ZYX: variants seen among roughly 807,000 people sequenced by gnomAD.
The protein encoded by ZYX is zyxin-2.
A neutral mutation model predicts 58.1 loss-of-function variants in ZYX; 37 were observed. That is an observed-to-expected ratio of 0.64 (90% CI 0.49 to 0.84). ZYX has a LOEUF of 0.84. Ranked by LOEUF, ZYX falls within the 40% of genes least tolerant of loss-of-function variation. ZYX has a pLI of 0.00. For missense variants in ZYX, 762 were observed against 761.6 expected, an observed-to-expected ratio of 1.00 and a Z score of -0.01; for synonymous variants, 324 against 321.1, an observed-to-expected ratio of 1.01 and a Z score of -0.10.
rs1804725153 is a variant in ZYX at position 143,383,322 on chromosome 7, G to C, written c.1023G>C (p.Gln341His). ...PVPPPAQNQN[Q>H]VRSPGAPGPL... ...CCCCACCGGCTCAGAACCAAAACCA[G>C]GTGAGGGATGGTGATAGGACAAGGC... The change falls in exon 5 of 10, where the codon CAG becomes CAC. Residue 341 changes from glutamine to histidine, a missense_variant and splice_region_variant. Physicochemically the swap from Gln to His is conservative, Grantham distance 24. Transcript: ENST00000322764. 1.3e-6 allele frequency: 2 copies of C among 1,593,300 alleles called. No homozygotes were observed. Among genetic ancestry groups the C allele is most frequent in the Non-Finnish European group, 1.7e-6 (2 of 1,171,162 alleles).
chr7:143,382,114 C>T (rs1479339389), intron 2 of ZYX, 134 bp from the exon 3 acceptor site: 1 of 766,164 alleles, frequency 1.3e-6, no homozygotes, highest in East Asian at 2.8e-5. Flanking sequence ...CGCCCTGCGC[C>T]CCTCCTTTGC....
Position 143,390,598 on chromosome 7 carries a change from G to A in ZYX, c.1635G>A (p.Ser545=), listed in dbSNP as rs112599769. The A allele has an allele frequency of 1.3e-4, 208 of 1,575,468 alleles. 1 individual carries two copies. The highest frequency in any genetic ancestry group is 2.3e-4 in the African/African-American group (17 of 74,514). ...YKCEDCGKPL[S]IEADDNGCFP... ...CCCAGGACTGCGGGAAGCCCCTGTCGATTGAGGCAGATGACAATGGCTGCT... is the reference window on the plus strand; with the variant it reads ...CCCAGGACTGCGGGAAGCCCCTGTCAATTGAGGCAGATGACAATGGCTGCT... The change falls in exon 10 of 10, where the codon TCG becomes TCA. Residue 545 remains serine (S), a synonymous_variant. Coordinates refer to ENST00000322764, the MANE Select transcript of ZYX (RefSeq NM_003461.5). The surrounding 1 kb of genome is among the most constrained non-coding windows in gnomAD (Gnocchi z 4.3).
At chr7:143,386,930 T>G (rs113730499) in intron 5 of ZYX, among the ~76,000 whole-genome samples, 1 of 152,060 alleles carries the variant, frequency 6.6e-6, no homozygotes, top group Non-Finnish European at 1.5e-5. Context: ...TCCTGATGAA[T>G]GGGGATACCC....
Position 143,390,772 on chromosome 7 carries a change from T to A in ZYX, c.*90T>A, listed in dbSNP as rs1805041975. ...CCTGCCCCCACCTCAGTTATTGTTT[T>A]GATGTCTAGCCCCTCCCATTTCCAA... On this transcript the variant is annotated 3_prime_UTR_variant, in exon 10 of 10. Coordinates refer to ENST00000322764, the MANE Select transcript of ZYX (RefSeq NM_003461.5). This position sits in a 1 kb window ranked among gnomAD's most constrained non-coding sequence, Gnocchi z 4.3. 1 of 1,013,154 alleles carries A rather than the reference T, an allele frequency of 9.9e-7. No individual in the cohort carries two copies. The highest frequency in any genetic ancestry group is 1.5e-6 in the Non-Finnish European group (1 of 671,554). 62.8% of individuals were successfully genotyped at this position (1,013,154 alleles called of 1,614,324 possible).
In ZYX at chr7:143,390,027, G is replaced by C. The variant is rs369900456; in HGVS notation, c.1614+50G>C. ...GGGCAGGTTCTGACCAGGAGGTGGC[G>C]GGAGATGCTGCTTACTAACTGGGAG... On this transcript the variant is annotated intron_variant, in intron 9 of 9. Coordinates refer to ENST00000322764, the MANE Select transcript of ZYX (RefSeq NM_003461.5). This position sits in a 1 kb window ranked among gnomAD's most constrained non-coding sequence, Gnocchi z 4.3. 2.0e-5 allele frequency: 32 copies of C among 1,601,560 alleles called. No homozygotes were observed. In the African/African-American group the frequency reaches 4.0e-4, roughly 20 times the overall value.
In ZYX at chr7:143,389,897, A is replaced by T. The variant is rs760032618; in HGVS notation, c.1534A>T (p.Met512Leu). ...GTGCTCCGTCTGCTCTGAGCCCATCATGCCTGAGCCTGGCCGAGATGAGAC... is the reference window on the plus strand; with the variant it reads ...GTGCTCCGTCTGCTCTGAGCCCATCTTGCCTGAGCCTGGCCGAGATGAGAC... ...PRCSVCSEPIMPEPGRDETVR... is the reference protein window; with the variant it reads ...PRCSVCSEPILPEPGRDETVR... The change falls in exon 9 of 10, where the codon ATG becomes TTG. Residue 512 changes from methionine (M) to leucine (L), a missense_variant. Coordinates refer to ENST00000322764, the MANE Select transcript of ZYX (RefSeq NM_003461.5). The surrounding 1 kb of genome is among the most constrained non-coding windows in gnomAD (Gnocchi z 5.6). 6.8e-6 allele frequency: 11 copies of T among 1,614,146 alleles called. No homozygotes were observed. Among genetic ancestry groups the T allele is most frequent in the Non-Finnish European group, 8.5e-6 (10 of 1,180,004 alleles).
In ZYX at chr7:143,389,606, AGTGGGAGAGAACACC is replaced by A. The variant is rs1804996879; in HGVS notation, c.1494-246_1494-232del. On this transcript the variant is annotated intron_variant, in intron 8 of 9. Coordinates refer to ENST00000322764, the MANE Select transcript of ZYX (RefSeq NM_003461.5). This position sits in a 1 kb window ranked among gnomAD's most constrained non-coding sequence, Gnocchi z 5.6. ...AGTGTGAATGGGACAGTAAGGGTCGAGTGGGAGAGAACACCGTGGCAGGTGTGTGGGAGGCTCCCT... is the reference window on the plus strand; with the variant it reads ...AGTGTGAATGGGACAGTAAGGGTCGAGTGGCAGGTGTGTGGGAGGCTCCCT... Among the ~76,000 whole-genome samples the A allele has an allele frequency of 1.3e-5, 2 of 152,124 alleles. No homozygotes were observed. The highest frequency in any genetic ancestry group is 1.3e-4 in the Admixed American group (2 of 15,278).
chr7:143,385,593 C>A (rs1804828456), intron 5 of ZYX, among the ~76,000 whole-genome samples: 1 of 140,824 alleles, frequency 7.1e-6, no homozygotes, highest in South Asian at 2.5e-4. Flanking sequence ...TACTTTCTTA[C>A]AAATACACAC....
At chr7:143,382,190 G>A in intron 2 of ZYX, 58 bp from the exon 3 acceptor site, 2 of 1,438,238 alleles carry the variant, frequency 1.4e-6, no homozygotes, top group South Asian at 2.4e-5. Context: ...TTAACTGAGG[G>A]GAGCTTGGGT....
Position 143,388,048 on chromosome 7 carries a change from C to T in ZYX, c.1024-171C>T. 2.8e-6 allele frequency: 2 copies of T among 713,300 alleles called. No homozygotes were observed. The highest frequency in any genetic ancestry group is 4.6e-6 in the Non-Finnish European group (2 of 430,456). The allele number at this position is 713,300 out of a possible 1,614,324, so 44.2% of individuals were successfully genotyped here. A position where few individuals can be genotyped will look rare whatever the true frequency, so the allele number is the denominator to read the frequency against. On this transcript the variant is annotated intron_variant, in intron 5 of 9. Coordinates refer to ENST00000322764, the MANE Select transcript of ZYX (RefSeq NM_003461.5). The surrounding 1 kb of genome is among the most constrained non-coding windows in gnomAD (Gnocchi z 7.5). ...CCCTTCCCCTGTTATTTGTGTGGTG[C>T]TGGGGATGGCGGGGGTAGGGGGACG... is the stretch of plus-strand genomic sequence containing the variant.
Position 143,390,186 on chromosome 7 carries a change from G to T in ZYX, c.1614+209G>T. On this transcript the variant is annotated intron_variant, in intron 9 of 9. Coordinates refer to ENST00000322764, the MANE Select transcript of ZYX (RefSeq NM_003461.5). This position sits in a 1 kb window ranked among gnomAD's most constrained non-coding sequence, Gnocchi z 4.3. ...TGTGGGGCTTCTGAGGTCACTTTGA[G>T]TCATGGATAAGCCAAGAAATGGGAC... 1.5e-6 allele frequency: 1 copy of T among 649,858 alleles called. No homozygotes were observed. Among genetic ancestry groups the T allele is most frequent in the Non-Finnish European group, 2.6e-6 (1 of 389,518 alleles). The allele number at this position is 649,858 out of a possible 1,614,324, so 40.3% of individuals were successfully genotyped here.
chr7:143,382,791 C>A lies in ZYX; in HGVS notation c.502-10C>A. On this transcript the variant is annotated splice_polypyrimidine_tract_variant and intron_variant, in intron 4 of 9. Transcript: ENST00000322764. ...GACTGCATCTCTCTTCCCTCTCCCA[C>A]CCCTTGCAGGTGTCATCTGGATATG... is the stretch of plus-strand genomic sequence containing the variant. 1 of 1,607,384 alleles carries A rather than the reference C, an allele frequency of 6.2e-7. No individual in the cohort carries two copies. The highest frequency in any genetic ancestry group is 2.2e-5 in the East Asian group (1 of 44,832).
chr7:143,391,040 C>A lies in ZYX; in HGVS notation c.*358C>A. 1 of 323,564 alleles carries A rather than the reference C, an allele frequency of 3.1e-6. No homozygotes were observed. The highest frequency in any genetic ancestry group is 5.8e-6 in the Non-Finnish European group (1 of 173,154). 20.0% of individuals were successfully genotyped at this position (323,564 alleles called of 1,614,324 possible). A position where few individuals can be genotyped will look rare whatever the true frequency, so the allele number is the denominator to read the frequency against. The stretch of plus-strand genomic sequence containing the variant: ...CGGAGGGCTGGGAGACCCTCCAGGA[C>A]ATTCCCACCCTCCCCCATGCTGCCA... On this transcript the variant is annotated 3_prime_UTR_variant, in exon 10 of 10. Transcript: ENST00000322764.
rs1228793292 is a variant in ZYX at position 143,389,630 on chromosome 7, T to C, written c.1494-227T>C. Among the ~76,000 whole-genome samples the C allele has an allele frequency of 6.6e-6, 1 of 151,908 alleles. No homozygotes were observed. Among genetic ancestry groups the C allele is most frequent in the African/African-American group, 2.4e-5 (1 of 41,316 alleles). On this transcript the variant is annotated intron_variant, in intron 8 of 9. Coordinates refer to ENST00000322764, the MANE Select transcript of ZYX (RefSeq NM_003461.5). This position sits in a 1 kb window ranked among gnomAD's most constrained non-coding sequence, Gnocchi z 5.6. Reference sequence around the variant, plus strand: ...GAGTGGGAGAGAACACCGTGGCAGGTGTGTGGGAGGCTCCCTTGCTTTGGG... The same window carrying C: ...GAGTGGGAGAGAACACCGTGGCAGGCGTGTGGGAGGCTCCCTTGCTTTGGG...
At position 143,390,993 on chromosome 7, in the gene ZYX, A is replaced by G. The variant is rs1805057283; in HGVS notation, c.*311A>G. 2.6e-6 allele frequency: 1 copy of G among 389,048 alleles called. No homozygotes were observed. The highest frequency in any genetic ancestry group is 2.1e-5 in the African/African-American group (1 of 48,522). 24.1% of individuals were successfully genotyped at this position (389,048 alleles called of 1,614,324 possible). ...ACCCGCGCCCTCGGCCGGCCCCCCG[A>G]GCAGCCTTTGTACTCTGCTTGCGGA... On this transcript the variant is annotated 3_prime_UTR_variant, in exon 10 of 10. Transcript: ENST00000322764. This position sits in a 1 kb window ranked among gnomAD's most constrained non-coding sequence, Gnocchi z 4.3.
At position 143,383,259 on chromosome 7, in the gene ZYX, G is replaced by A. The variant is rs995555277; in HGVS notation, c.960G>A (p.Arg320=). 1.2e-6 allele frequency: 2 copies of A among 1,613,910 alleles called. No individual in the cohort carries two copies. Among genetic ancestry groups the A allele is most frequent in the Non-Finnish European group, 1.7e-6 (2 of 1,180,002 alleles). The change falls in exon 5 of 10, where the codon AGG becomes AGA. Residue 320 remains arginine (R), a synonymous_variant. Transcript: ENST00000322764. ...CCAGCTTCACCTATGCCCAGCAGAG[G>A]GAGAAGCCCCGAGTGCAGGAGAAGC... ...QPPSFTYAQQ[R]EKPRVQEKQH...
At chr7:143,382,177 C>G in intron 2 of ZYX, 71 bp from the exon 3 acceptor site, 1 of 1,301,076 alleles carries the variant, frequency 7.7e-7, no homozygotes, top group East Asian at 2.3e-5. Flanking sequence ...GGGGTTAGAG[C>G]GGTTAACTGA....
intron 5 of ZYX, among the ~76,000 whole-genome samples, chr7:143,383,827 G>A (rs2116569809): frequency 6.6e-6 from 1 of 152,344 alleles, no homozygotes; most frequent in Non-Finnish European, 1.5e-5. Context: ...ACATGGGAGG[G>A]AAGAGATCTC....
In ZYX at chr7:143,388,464, C is replaced by A. The variant is rs1186433099; in HGVS notation, c.1145-25C>A. On this transcript the variant is annotated intron_variant, in intron 6 of 9. Coordinates refer to ENST00000322764, the MANE Select transcript of ZYX (RefSeq NM_003461.5). This position sits in a 1 kb window ranked among gnomAD's most constrained non-coding sequence, Gnocchi z 7.5. ...AGCTCTACATACTTCCTTCTATTTA[C>A]TGCTGTCTTCTCTGGCCTTCCCAGA... The A allele has an allele frequency of 1.2e-6, 2 of 1,607,644 alleles. No individual in the cohort carries two copies. Among genetic ancestry groups the A allele is most frequent in the African/African-American group, 2.7e-5 (2 of 74,782 alleles).
Sources: allele counts gnomAD v4.1 joint callset (sites outside exome capture counted in the v4.1 genomes callset), GRCh38; gene constraint gnomAD v4.1.1; non-coding constraint Gnocchi (gnomAD v3.1); transcripts MANE v1.5; gene names NCBI Gene and HGNC (gene_info 2026-07-23, HGNC 2026-07-21).